Variants in ADGRF5 observed in about 807,000 individuals in gnomAD.
ADGRF5 encodes the protein adhesion G protein-coupled receptor F5, also known as G-protein coupled receptor 116.
ADGRF5 carries 75 observed loss-of-function variants against 132.3 expected under a neutral mutation model. The observed-to-expected ratio is 0.57, with a 90% CI of 0.47 to 0.69. The LOEUF (loss-of-function observed/expected upper bound fraction) is 0.69, where lower values mean the gene tolerates loss of function less well. Ranked by LOEUF, ADGRF5 falls within the 30% of genes least tolerant of loss-of-function variation. The pLI, the probability that ADGRF5 is intolerant of heterozygous loss-of-function variation, is 0.00. For synonymous variants in ADGRF5, 629 were observed against 597.6 expected, an observed-to-expected ratio of 1.05 and a Z score of -0.77; for missense variants, 1,516 against 1,630.6, an observed-to-expected ratio of 0.93 and a Z score of 1.21.
chr6:46,862,215 C>A (rs1165205656), intron 15 of ADGRF5, among the ~76,000 whole-genome samples: 1 of 152,094 alleles, frequency 6.6e-6, no homozygotes, highest in Non-Finnish European at 1.5e-5. Flanking sequence ...CTGAAGATGT[C>A]ATCATTACCT....
intron 19 of ADGRF5, among the ~76,000 whole-genome samples, chr6:46,856,494 G>T (rs1769064598): frequency 6.6e-6 from 1 of 152,150 alleles, no homozygotes; most frequent in African/African-American, 2.4e-5. Context: ...GCATCTCAAT[G>T]ACAGCTCTAT....
At chr6:46,898,204 G>A (rs904124976) in intron 3 of ADGRF5, among the ~76,000 whole-genome samples, 10 of 152,206 alleles carry the variant, frequency 6.6e-5, no homozygotes, top group Non-Finnish European at 1.2e-4. Flanking sequence ...GCTCAGAAGT[G>A]CAGGAAGACA....
At chr6:46,901,986 G>A (rs1037267114) in intron 2 of ADGRF5, among the ~76,000 whole-genome samples, 6 of 152,146 alleles carry the variant, frequency 3.9e-5, no homozygotes, top group Non-Finnish European at 8.8e-5. Context: ...TAGGAAATGG[G>A]GAGCGACTGT....
In ADGRF5 at chr6:46,867,077, A is replaced by G. The variant is rs557424352; in HGVS notation, c.1682T>C (p.Ile561Thr). The G allele has an allele frequency of 3.0e-5, 48 of 1,613,810 alleles. 1 individual carries two copies. In the South Asian group the frequency reaches 5.2e-4, roughly 17 times the overall value. ...NSYSIATKDVIVHPLPLKLNI... is the reference protein window; with the variant it reads ...NSYSIATKDVTVHPLPLKLNI... The stretch of plus-strand genomic sequence containing the variant: ...CAGCTTTAGAGGCAGCGGGTGAACA[A>G]TGACGTCTTTGGTTGCAATACTGTA... The change falls in exon 13 of 21, where the codon ATT (isoleucine) becomes ACT (threonine). Residue 561 changes from isoleucine (I) to threonine (T), a missense_variant. By Grantham distance (89) the Ile-to-Thr change is moderately conservative (BLOSUM62 -1). Around this residue, in one of 2 missense-constraint regions of ADGRF5, gnomAD observed 945 missense variants for 929.4 expected, o/e 1.02. Coordinates refer to ENST00000283296, the MANE Select transcript of ADGRF5 (RefSeq NM_001098518.2).
At chr6:46,869,622 A>C (rs1302856601) in intron 11 of ADGRF5, among the ~76,000 whole-genome samples, 1 of 152,140 alleles carries the variant, frequency 6.6e-6, no homozygotes, top group Non-Finnish European at 1.5e-5. Context: ...CATCCCCAGT[A>C]CTCAGCACTG....
intron 1 of ADGRF5, among the ~76,000 whole-genome samples, chr6:46,947,096 T>C (rs185332056): frequency 6.6e-6 from 1 of 152,350 alleles, no homozygotes; most frequent in Admixed American, 6.5e-5. Flanking sequence ...CTCTGGTTTC[T>C]CTTAGTACCT....
At chr6:46,855,297 T>G (rs558457501) in intron 20 of ADGRF5, among the ~76,000 whole-genome samples, 1 of 152,200 alleles carries the variant, frequency 6.6e-6, no homozygotes, top group African/African-American at 2.4e-5. Flanking sequence ...TCATCACGAA[T>G]GCCGAGTAAT....
At chr6:46,861,810 T>G (rs2150787552) in intron 15 of ADGRF5, among the ~76,000 whole-genome samples, 1 of 152,344 alleles carries the variant, frequency 6.6e-6, no homozygotes, top group South Asian at 2.1e-4. Context: ...ATTGAAAATG[T>G]ATGTAGGTAT....
At chr6:46,913,713 A>G (rs1239004546) in intron 1 of ADGRF5, among the ~76,000 whole-genome samples, 1 of 152,106 alleles carries the variant, frequency 6.6e-6, no homozygotes, top group East Asian at 1.9e-4. Context: ...GAGTACATGA[A>G]ACTCACGAAA....
intron 4 of ADGRF5, among the ~76,000 whole-genome samples, chr6:46,884,636 TA>T (rs944655296): frequency 6.6e-6 from 1 of 152,262 alleles, no homozygotes; most frequent in African/African-American, 2.4e-5. Context: ...CCTTTTGTAC[TA>T]CCTTCTTATA....
chr6:46,901,029 A>G (rs1562215030), intron 2 of ADGRF5, among the ~76,000 whole-genome samples: 1 of 152,184 alleles, frequency 6.6e-6, no homozygotes, highest in Non-Finnish European at 1.5e-5. Flanking sequence ...TAATAAATGT[A>G]AGGCCGTGAA....
chr6:46,941,456 G>GAA lies in ADGRF5; in HGVS notation c.-25+13276_-25+13277dup, dbSNP rs1246472073. 2.5e-3 allele frequency among the ~76,000 whole-genome samples: 106 copies of GAA among 42,132 alleles called. 2 individuals carry two copies. The highest frequency in any genetic ancestry group is 7.3e-3 in the African/African-American group (103 of 14,032). 27.6% of individuals were successfully genotyped at this position (42,132 alleles called of 152,430 possible). A position where few individuals can be genotyped will look rare whatever the true frequency, so the allele number is the denominator to read the frequency against. Reference sequence around the variant, plus strand: ...GAAAAGAAAAGAAAAGAAAAGAAAAGAAAAGAAAAGAAAGAAAAGAAAAGA... The same window carrying GAA: ...GAAAAGAAAAGAAAAGAAAAGAAAAGAAAAAAGAAAAGAAAGAAAAGAAAAGA... On this transcript the variant is annotated intron_variant, in intron 1 of 20. Transcript: ENST00000265417.
chr6:46,950,295 G>C (rs1042155407), intron 1 of ADGRF5, among the ~76,000 whole-genome samples: 3 of 152,124 alleles, frequency 2.0e-5, no homozygotes, highest in African/African-American at 7.2e-5. Context: ...GCTGAAATCT[G>C]TTGCGCTATA....
intron 15 of ADGRF5, 100 bp downstream of exon 15, chr6:46,862,788 C>T: frequency 2.0e-6 from 1 of 491,720 alleles, no homozygotes; most frequent in Non-Finnish European, 3.6e-6. Context: ...TTTGGAGCAA[C>T]ACAAAGCAGC....
At position 46,881,508 on chromosome 6, in the gene ADGRF5, C is replaced by T. The variant is rs756837409; in HGVS notation, c.761G>A (p.Ser254Asn). Residue 254 changes from serine (S) to asparagine (N), a missense_variant, in exon 8 of 21, where the codon AGC becomes AAC. By Grantham distance (46) the Ser-to-Asn change is conservative (BLOSUM62 1). Coordinates refer to ENST00000283296, the MANE Select transcript of ADGRF5 (RefSeq NM_001098518.2). ...IHKANEQVVQ[S>N]LNQTYKMDYN... Reference sequence around the variant, plus strand: ...GTCCATTTTGTAGGTCTGATTGAGGCTCTGTACAACTTGTTCATTGGCTTT... The same window carrying T: ...GTCCATTTTGTAGGTCTGATTGAGGTTCTGTACAACTTGTTCATTGGCTTT... 12 of 1,613,200 alleles carry T rather than the reference C, an allele frequency of 7.4e-6. No individual in the cohort carries two copies. The South Asian group carries it at 7.7e-5, about 10-fold the overall frequency.
intron 14 of ADGRF5, chr6:46,863,337 T>C: frequency 1.7e-6 from 1 of 585,150 alleles, no homozygotes. Context: ...ATTTTATACC[T>C]TCATCTGGAG....
rs1265768822 is a variant in ADGRF5, at chr6:46,868,867, C to T, written c.1621+16G>A. The T allele has an allele frequency of 6.5e-7, 1 of 1,544,886 alleles. No individual in the cohort carries two copies. The highest frequency in any genetic ancestry group is 8.9e-7 in the Non-Finnish European group (1 of 1,119,072). The stretch of plus-strand genomic sequence containing the variant: ...GAGCCCAGGCAGCACAATACGGTGT[C>T]CGGCCTTTCACTCACCATTCCACTC... On this transcript the variant is annotated intron_variant, in intron 12 of 20. Coordinates refer to ENST00000283296, the MANE Select transcript of ADGRF5 (RefSeq NM_001098518.2).
intron 1 of ADGRF5, among the ~76,000 whole-genome samples, chr6:46,939,165 C>T (rs1482762522): frequency 6.6e-6 from 1 of 152,228 alleles, no homozygotes; most frequent in Non-Finnish European, 1.5e-5. Context: ...CCACCACGCC[C>T]AGCCTTTTCT....
At chr6:46,934,931 A>G (rs541853609) in intron 1 of ADGRF5, among the ~76,000 whole-genome samples, 3 of 152,018 alleles carry the variant, frequency 2.0e-5, no homozygotes, top group Non-Finnish European at 4.4e-5. Flanking sequence ...TAGACCTTCA[A>G]TAGATTTTTT....
Sources: allele counts gnomAD v4.1 joint callset (sites outside exome capture counted in the v4.1 genomes callset), GRCh38; gene constraint gnomAD v4.1.1; regional missense constraint gnomAD v4.1.1; transcripts MANE v1.5; gene names NCBI Gene and HGNC (gene_info 2026-07-23, HGNC 2026-07-21).